The following ROS1 variants were observed in gnomAD, a reference collection of about 807,000 sequenced individuals.
The protein encoded by ROS1 is proto-oncogene tyrosine-protein kinase ROS.
In ROS1, 263 loss-of-function variants were observed where a neutral mutation model predicts 273.5. The ratio of observed to expected loss-of-function variants is 0.96; its 90% CI spans 0.87 to 1.06. The LOEUF (loss-of-function observed/expected upper bound fraction) is 1.06, where lower values mean the gene tolerates loss of function less well. Ranked by LOEUF, ROS1 falls within the 50% of genes least tolerant of loss-of-function variation. The pLI is 0.00. For missense variants in ROS1, 2,833 were observed against 2,751.1 expected (o/e 1.03, Z -0.67); for synonymous variants, 1,008 against 954.1 (o/e 1.06, Z -1.04).
intron 18 of ROS1, among the ~76,000 whole-genome samples, chr6:117,373,930 G>A (rs1362297432): frequency 6.6e-6 from 1 of 152,194 alleles, no homozygotes. Context: ...ACTCACAAAT[G>A]TACCTAAGAA....
Position 117,383,364 on chromosome 6 carries a change from C to A in ROS1, c.2434G>T (p.Glu812Ter), listed in dbSNP as rs751888809. ...YSVESTRLNG[E>*]SSLVLQTQPW... ...TGTGTCTGTAGTACAAGGGAACTTT[C>A]CCCATTTAGTCTGGTGCTTTCCACT... Residue 812 changes from glutamate to a stop codon, truncating the protein, a stop_gained, in exon 17 of 44, where the codon GAA (glutamate) becomes TAA (stop). Transcript: ENST00000368507. LOFTEE classifies it high-confidence loss of function. 6.2e-7 allele frequency: 1 copy of A among 1,614,024 alleles called. No individual in the cohort carries two copies. The highest frequency in any genetic ancestry group is 1.1e-5 in the South Asian group (1 of 91,060).
At chr6:117,373,589 C>A (rs533342113) in intron 18 of ROS1, among the ~76,000 whole-genome samples, 1 of 152,246 alleles carries the variant, frequency 6.6e-6, no homozygotes, top group Non-Finnish European at 1.5e-5. Flanking sequence ...GTGCGGGGCC[C>A]GCCAAGCCCG....
chr6:117,337,120 G>C, intron 32 of ROS1, 52 bp downstream of exon 32: 6 of 1,420,242 alleles, frequency 4.2e-6, no homozygotes, highest in Non-Finnish European at 5.8e-6. Context: ...TAAGTGATAA[G>C]AAAAAAACTG....
chr6:117,336,900 A>G (rs1167273324), intron 32 of ROS1, among the ~76,000 whole-genome samples: 2 of 152,114 alleles, frequency 1.3e-5, no homozygotes, highest in Admixed American at 1.3e-4. Context: ...TATAGTTATC[A>G]CCATAAAATT....
At chr6:117,367,751 T>C (rs1283281575) in intron 18 of ROS1, among the ~76,000 whole-genome samples, 1 of 152,232 alleles carries the variant, frequency 6.6e-6, no homozygotes, top group Non-Finnish European at 1.5e-5. Flanking sequence ...AATGTGGGTA[T>C]AACACTAATA....
At chr6:117,311,226 T>C in intron 39 of ROS1, 109 bp from the exon 40 acceptor site, 2 of 504,896 alleles carry the variant, frequency 4.0e-6, no homozygotes, top group East Asian at 6.5e-5. Flanking sequence ...CATGTATGTA[T>C]CTGATGTTTT....
intron 24 of ROS1, 59 bp downstream of exon 24, chr6:117,359,750 T>A: frequency 3.0e-6 from 4 of 1,341,540 alleles, no homozygotes; most frequent in Non-Finnish European, 4.3e-6. Context: ...AACTACAAAG[T>A]AGTGTCATAT....
At position 117,414,535 on chromosome 6, in the gene ROS1, T is replaced by C. The variant is rs755687048; in HGVS notation, c.239A>G (p.Tyr80Cys). 2.7e-6 allele frequency: 2 copies of C among 731,252 alleles called. No individual in the cohort carries two copies. The highest frequency in any genetic ancestry group is 3.1e-5 in the South Asian group (2 of 64,850). The allele number at this position is 731,252 out of a possible 1,614,324, so 45.3% of individuals were successfully genotyped here. ...KNCALKCNDT[Y>C]ATVCERESCE... is the part of the protein sequence containing the mutation. ...CCAACTCACCTCACAAACGGTGGCA[T>C]AAGTATCATTCTGCATAGAAAAAAA... The change falls in exon 4 of 44, where the codon TAT becomes TGT. Residue 80 changes from tyrosine to cysteine, a missense_variant. Physicochemically the swap from Tyr to Cys is radical, Grantham distance 194 (BLOSUM62 -2). Transcript: ENST00000368507.
intron 41 of ROS1, 142 bp from the exon 42 acceptor site, chr6:117,309,070 A>G (rs1775335519): frequency 1.4e-6 from 1 of 694,648 alleles, no homozygotes; most frequent in Non-Finnish European, 2.4e-6. Flanking sequence ...CAAACGGCAG[A>G]TATAAAAGCA....
chr6:117,383,104 C>T (rs545640843), intron 17 of ROS1, among the ~76,000 whole-genome samples: 35 of 152,042 alleles, frequency 2.3e-4, no homozygotes, highest in Admixed American at 2.3e-3. Context: ...CTTACATAAT[C>T]ACTTATCACC....
chr6:117,342,465 T>A lies in ROS1; in HGVS notation c.4586A>T (p.Tyr1529Phe). The A allele has an allele frequency of 6.2e-7, 1 of 1,610,438 alleles. No individual in the cohort carries two copies. Among genetic ancestry groups the A allele is most frequent in the Non-Finnish European group, 8.5e-7 (1 of 1,177,362 alleles). ...TAAATGTTCCAAAGGATCTGAATAATAATTTTTTACAGCTATCTGTATCAT... is the reference window on the plus strand; with the variant it reads ...TAAATGTTCCAAAGGATCTGAATAAAAATTTTTTACAGCTATCTGTATCAT... ...TYMIQIAVKN[Y>F]YSDPLEHLPP... The change falls in exon 29 of 44, where the codon TAT (tyrosine) becomes TTT (phenylalanine). Residue 1529 changes from tyrosine to phenylalanine, a missense_variant. Physicochemically the swap from Tyr to Phe is conservative, Grantham distance 22. Transcript: ENST00000368507.
At chr6:117,355,666 GTGGCACCACCT>G (rs1771352320) in intron 26 of ROS1, among the ~76,000 whole-genome samples, 1 of 151,534 alleles carries the variant, frequency 6.6e-6, no homozygotes, top group Admixed American at 6.6e-5. Flanking sequence ...CTGGAGTACA[GTGGCACCACCT>G]TGGCTCACTG....
At chr6:117,335,008 A>G (rs1777365671) in intron 32 of ROS1, among the ~76,000 whole-genome samples, 1 of 152,212 alleles carries the variant, frequency 6.6e-6, no homozygotes, top group Admixed American at 6.5e-5. Context: ...AACTAAACTA[A>G]AGAGCTTCTG....
At chr6:117,310,627 G>A (rs1357031835) in intron 40 of ROS1, among the ~76,000 whole-genome samples, 1 of 152,022 alleles carries the variant, frequency 6.6e-6, no homozygotes, top group African/African-American at 2.4e-5. Flanking sequence ...CCACTTATGA[G>A]TGAGAACCTG....
intron 43 of ROS1, among the ~76,000 whole-genome samples, chr6:117,294,327 G>T (rs1774052222): frequency 6.6e-6 from 1 of 152,010 alleles, no homozygotes; most frequent in Non-Finnish European, 1.5e-5. Context: ...GCAGGGGAAA[G>T]AAAATAAAAA....
chr6:117,352,982 T>C lies in ROS1; in HGVS notation c.4303+8A>G, dbSNP rs974006582. The C allele has an allele frequency of 2.5e-6, 4 of 1,610,080 alleles. No individual in the cohort carries two copies. Among genetic ancestry groups the C allele is most frequent in the African/African-American group, 2.7e-5 (2 of 74,716 alleles). ...AGAACAAGCTGATTACGAATGTGAC[T>C]TTATTACCTGGAAAAGGCTGCATAA... On this transcript the variant is annotated splice_region_variant and intron_variant, in intron 27 of 43. Transcript: ENST00000368507.
chr6:117,386,321 G>T (rs1440686084), intron 15 of ROS1, among the ~76,000 whole-genome samples: 2 of 152,210 alleles, frequency 1.3e-5, no homozygotes, highest in Admixed American at 1.3e-4. Flanking sequence ...AAATGCTGTT[G>T]TACTTTTAAT....
At chr6:117,333,079 A>G (rs907312372) in intron 32 of ROS1, among the ~76,000 whole-genome samples, 55 of 152,110 alleles carry the variant, frequency 3.6e-4, no homozygotes, top group Middle Eastern at 3.4e-3. Context: ...AAAAAATAAA[A>G]TAAATAACAA....
chr6:117,308,472 T>C (rs1775278029), intron 42 of ROS1, among the ~76,000 whole-genome samples: 1 of 152,048 alleles, frequency 6.6e-6, no homozygotes, highest in Admixed American at 6.6e-5. Context: ...TATGTGTGTG[T>C]ATACTCTCTC....
Sources: gnomAD v4.1 joint callset for allele counts (sites outside exome capture counted in the v4.1 genomes callset) on GRCh38, gnomAD v4.1.1 for gene constraint, MANE v1.5 for transcripts, NCBI Gene and HGNC (gene_info 2026-07-23, HGNC 2026-07-21) for gene names.